Variants in FOXJ3 observed in about 807,000 individuals in gnomAD.
The protein encoded by FOXJ3 is forkhead box protein J3.
A neutral mutation model predicts 76.1 loss-of-function variants in FOXJ3; 22 were observed. That is an observed-to-expected ratio of 0.29 (90% confidence interval 0.21 to 0.41). The LOEUF (loss-of-function observed/expected upper bound fraction) is 0.41. FOXJ3 is among the 10% of genes least tolerant of loss of function. FOXJ3 has a pLI of 1.00. For synonymous variants in FOXJ3, 269 were observed against 261.2 expected (o/e 1.03, Z -0.29); for missense variants, 613 against 762.1 (o/e 0.80, Z 2.30).
chr1:42,198,384 G>A (rs927672949), intron 7 of FOXJ3, among the ~76,000 whole-genome samples: 23 of 151,746 alleles, frequency 1.5e-4, no homozygotes, highest in African/African-American at 4.8e-4. Context: ...TCTTTGTCCC[G>A]TGTAAGTTTT....
intron 1 of FOXJ3, among the ~76,000 whole-genome samples, chr1:42,314,127 T>TA (rs755982488): frequency 2.4e-4 from 36 of 152,208 alleles, no homozygotes; most frequent in Admixed American, 7.9e-4. Context: ...TTCCAACTCT[T>TA]AGTCTCTATG....
chr1:42,253,363 A>G (rs1463271502), intron 4 of FOXJ3, among the ~76,000 whole-genome samples: 3 of 150,540 alleles, frequency 2.0e-5, no homozygotes, highest in Non-Finnish European at 4.5e-5. Flanking sequence ...AGGAAGAATC[A>G]ATATCGTGAA....
chr1:42,306,411 T>A (rs577532906), intron 2 of FOXJ3, among the ~76,000 whole-genome samples: 4 of 147,146 alleles, frequency 2.7e-5, no homozygotes, highest in African/African-American at 1.0e-4. Context: ...CAGGCGATTC[T>A]CCTGCCTCAG....
chr1:42,313,312 A>AG (rs1235141102), intron 1 of FOXJ3, among the ~76,000 whole-genome samples: 1 of 151,034 alleles, frequency 6.6e-6, no homozygotes, highest in African/African-American at 2.4e-5. Flanking sequence ...ACTCCAGCCT[A>AG]GGCAATAAGA....
At chr1:42,281,387 G>C (rs1283372686) in intron 2 of FOXJ3, among the ~76,000 whole-genome samples, 2 of 151,978 alleles carry the variant, frequency 1.3e-5, no homozygotes, top group Admixed American at 6.6e-5. Flanking sequence ...GAAGAACTTA[G>C]CAAGTCTTCA....
chr1:42,287,123 G>A (rs1057196997), intron 2 of FOXJ3, among the ~76,000 whole-genome samples: 2 of 151,398 alleles, frequency 1.3e-5, no homozygotes, highest in African/African-American at 2.4e-5. Context: ...GGCAGATCAC[G>A]AGGTCAGGAG....
intron 2 of FOXJ3, among the ~76,000 whole-genome samples, chr1:42,308,969 T>C (rs537429793): frequency 1.9e-5 from 1 of 52,204 alleles, no homozygotes; most frequent in Non-Finnish European, 4.3e-5. Flanking sequence ...CGGTAGAAAG[T>C]GGACACTAAA....
In FOXJ3 at chr1:42,275,401, C is replaced by T. The variant is rs116679402; in HGVS notation, c.369+2947G>A. ...TTCCTATGTAAGAATATGAATATAACATGTGCAGGGACGAAAGAAAGCAGT... is the reference window on the plus strand; with the variant it reads ...TTCCTATGTAAGAATATGAATATAATATGTGCAGGGACGAAAGAAAGCAGT... On this transcript the variant is annotated intron_variant, in intron 3 of 12. Transcript: ENST00000361346. 4.1e-3 allele frequency among the ~76,000 whole-genome samples: 630 copies of T among 152,290 alleles called. 3 individuals are homozygous for T. The highest frequency in any genetic ancestry group is 0.014 in the African/African-American group (587 of 41,558).
intron 2 of FOXJ3, among the ~76,000 whole-genome samples, chr1:42,285,735 T>C (rs1387341059): frequency 1.3e-5 from 2 of 152,062 alleles, no homozygotes; most frequent in Non-Finnish European, 2.9e-5. Flanking sequence ...AAAGGACTTA[T>C]TACTCTGCCA....
intron 4 of FOXJ3, among the ~76,000 whole-genome samples, chr1:42,247,899 T>G (rs994930648): frequency 5.3e-5 from 8 of 152,200 alleles, no homozygotes; most frequent in African/African-American, 1.7e-4. Flanking sequence ...GGTATAGCTA[T>G]CCAATGGAGT....
intron 5 of FOXJ3, among the ~76,000 whole-genome samples, chr1:42,222,070 A>G (rs866974778): frequency 1.7e-4 from 23 of 132,354 alleles, no homozygotes; most frequent in South Asian, 5.2e-4. Flanking sequence ...GAAGAAGAAG[A>G]AGAAGAAGAA....
chr1:42,314,299 G>A (rs766230026), intron 1 of FOXJ3, among the ~76,000 whole-genome samples: 2 of 152,160 alleles, frequency 1.3e-5, no homozygotes, highest in African/African-American at 2.4e-5. Context: ...TGCCCAGGCT[G>A]GAGGGCAATG....
At chr1:42,279,418 A>C (rs1225316690) in intron 2 of FOXJ3, among the ~76,000 whole-genome samples, 1 of 152,202 alleles carries the variant, frequency 6.6e-6, no homozygotes, top group East Asian at 1.9e-4. Context: ...GGGAGTACAG[A>C]ATCTAAGGCA....
In FOXJ3 at chr1:42,177,616, G is replaced by C. The variant is rs371378720; in HGVS notation, c.*2094C>G. The C allele has an allele frequency of 2.0e-5, 3 of 152,358 alleles. No homozygotes were observed. The highest frequency in any genetic ancestry group is 3.9e-4 in the East Asian group (2 of 5,176). The allele number at this position is 152,358 out of a possible 1,614,324, so 9.4% of individuals were successfully genotyped here. ...TCCTCTGATTTTCGTTGATCCAAGG[G>C]GCTGGAACTGAGCTTCCTTTTTCAT... On this transcript the variant is annotated 3_prime_UTR_variant, in exon 13 of 13. Coordinates refer to ENST00000361346, the MANE Select transcript of FOXJ3 (RefSeq NM_014947.5).
intron 1 of FOXJ3, among the ~76,000 whole-genome samples, chr1:42,319,465 TTAGA>T (rs1333363016): frequency 6.6e-6 from 1 of 152,218 alleles, no homozygotes; most frequent in Admixed American, 6.5e-5. Context: ...ATGTGAGTAA[TTAGA>T]TAGCAGTTTC....
chr1:42,324,249 ACAC>A (rs1415914512), intron 1 of FOXJ3, among the ~76,000 whole-genome samples: 1 of 17,224 alleles, frequency 5.8e-5, no homozygotes, highest in Non-Finnish European at 1.7e-4. Context: ...CACTATATAT[ACAC>A]TATATATACA....
At chr1:42,274,430 T>G (rs1022082372) in intron 3 of FOXJ3, among the ~76,000 whole-genome samples, 6 of 152,310 alleles carry the variant, frequency 3.9e-5, no homozygotes, top group Middle Eastern at 3.4e-3. Context: ...TAATATAGTT[T>G]TTGCAGAATT....
chr1:42,333,225 T>C (rs1410727174), intron 1 of FOXJ3, among the ~76,000 whole-genome samples: 2 of 152,062 alleles, frequency 1.3e-5, no homozygotes, highest in Non-Finnish European at 2.9e-5. Flanking sequence ...GGAAAGGGAA[T>C]ATACGAACTG....
Position 42,265,121 on chromosome 1 carries a change from A to C in FOXJ3, c.438T>G (p.Pro146=). The stretch of plus-strand genomic sequence containing the variant: ...TTAAGAAGATGAATCCTACCTTTCC[A>C]GGGTCATCCTTAGATCGAGGCACTT... The part of the protein sequence containing the change: ...FLKVPRSKDD[P]GKGSYWAIDT... The change falls in exon 4 of 13, where the codon CCT becomes CCG. Residue 146 remains proline (P), a synonymous_variant. Transcript: ENST00000361346. 6.4e-7 allele frequency: 1 copy of C among 1,569,372 alleles called. No homozygotes were observed. The highest frequency in any genetic ancestry group is 8.8e-7 in the Non-Finnish European group (1 of 1,140,104).
Sources: gnomAD v4.1 joint callset for allele counts (sites outside exome capture counted in the v4.1 genomes callset) on GRCh38, gnomAD v4.1.1 for gene constraint, MANE v1.5 for transcripts, NCBI Gene and HGNC (gene_info 2026-07-23, HGNC 2026-07-21) for gene names.